The following CCR6 variants were observed in gnomAD, a reference collection of about 807,000 sequenced individuals.
The protein encoded by CCR6 is C-C chemokine receptor type 6.
In CCR6, 2 loss-of-function variants were observed where a neutral mutation model predicts 3.0. That is an observed-to-expected ratio of 0.66 (90% CI 0.27 to 2.07). The LOEUF (loss-of-function observed/expected upper bound fraction) is 2.07. CCR6 is among the 30% of genes most tolerant of loss of function. CCR6 has a pLI of 0.14. For synonymous variants in CCR6, 193 were observed against 184.3 expected (o/e 1.05, Z -0.38); for missense variants, 322 against 462.8 (o/e 0.70, Z 2.79).
chr6:167,124,835 A>ATACACACACGTCCATATG (rs1781645648), intron 1 of CCR6, among the ~76,000 whole-genome samples: 1 of 151,630 alleles, frequency 6.6e-6, no homozygotes, highest in African/African-American at 2.4e-5. Flanking sequence ...GCATATATAC[A>ATACACACACGTCCATATG]TACACACACG....
intron 1 of CCR6, among the ~76,000 whole-genome samples, chr6:167,113,451 A>G (rs1781444766): frequency 6.6e-6 from 1 of 152,196 alleles, no homozygotes; most frequent in Non-Finnish European, 1.5e-5. Context: ...CAGAGAGGGC[A>G]ACTCAGTAGA....
At chr6:167,134,299 C>T (rs756270976) in intron 1 of CCR6, among the ~76,000 whole-genome samples, 4 of 152,124 alleles carry the variant, frequency 2.6e-5, no homozygotes, top group Non-Finnish European at 4.4e-5. Context: ...ACGATTACCT[C>T]GTCACATGCT....
chr6:167,126,281 A>G (rs563491631), intron 1 of CCR6: 1 of 152,386 alleles, frequency 6.6e-6, no homozygotes, highest in East Asian at 1.9e-4. Flanking sequence ...GCCTCTAAGT[A>G]AGGGAAGAAA....
In CCR6 at chr6:167,133,932, GTATATATATA is replaced by G. The variant is rs6149918; in HGVS notation, c.-97-2077_-97-2068del. ...ATACTATTATATATGATATATGTGT[GTATATATATA>G]TATATATATATATATATATATATAT... On this transcript the variant is annotated intron_variant, in intron 1 of 2. Transcript: ENST00000341935. Among the ~76,000 whole-genome samples the G allele has an allele frequency of 3.8e-3, 422 of 110,392 alleles. 16 individuals are homozygous for G. The highest frequency in any genetic ancestry group is 0.021 in the Middle Eastern group (4 of 194). The allele number at this position is 110,392 out of a possible 152,430, so 72.4% of individuals were successfully genotyped here.
intron 1 of CCR6, among the ~76,000 whole-genome samples, chr6:167,129,227 T>C (rs768422957): frequency 2.0e-5 from 3 of 152,206 alleles, no homozygotes; most frequent in Non-Finnish European, 2.9e-5. Flanking sequence ...GTTCCTCTTC[T>C]TGATTGCTTA....
At chr6:167,118,515 G>A (rs143524598), upstream of CCR6, among the ~76,000 whole-genome samples, 60 of 152,226 alleles carry the variant, frequency 3.9e-4, no homozygotes, top group East Asian at 7.1e-3. Flanking sequence ...AAATAAATTA[G>A]TAAATAAAAA....
Position 167,137,641 on chromosome 6 carries a change from T to C in CCR6, c.*286T>C. 3.6e-6 allele frequency: 1 copy of C among 277,990 alleles called. No homozygotes were observed. Among genetic ancestry groups the C allele is most frequent in the Non-Finnish European group, 6.8e-6 (1 of 147,550 alleles). 17.2% of individuals were successfully genotyped at this position (277,990 alleles called of 1,614,324 possible). ...GCCTTTGGGAAATGCTGAATTAAAGTGAATTGTTGACAAATGTAAACATTT... is the reference window on the plus strand; with the variant it reads ...GCCTTTGGGAAATGCTGAATTAAAGCGAATTGTTGACAAATGTAAACATTT... On this transcript the variant is annotated 3_prime_UTR_variant, in exon 3 of 3. Coordinates refer to ENST00000341935, the MANE Select transcript of CCR6 (RefSeq NM_031409.4). The surrounding 1 kb of genome is among the most constrained non-coding windows in gnomAD (Gnocchi z 4.6).
intron 1 of CCR6, among the ~76,000 whole-genome samples, chr6:167,124,265 G>GAA (rs1554281749): frequency 0.019 from 2,565 of 135,602 alleles, 94 homozygotes; most frequent in African/African-American, 0.065. Flanking sequence ...TAAAGGAACT[G>GAA]AAAAAAAAAA....
chr6:167,129,216 G>A (rs145053636), intron 1 of CCR6, among the ~76,000 whole-genome samples: 1 of 152,162 alleles, frequency 6.6e-6, no homozygotes, highest in Non-Finnish European at 1.5e-5. Context: ...CCTGGATCAT[G>A]GTTCCTCTTC....
chr6:167,124,066 C>T (rs1382978797), intron 1 of CCR6, among the ~76,000 whole-genome samples: 2 of 152,152 alleles, frequency 1.3e-5, no homozygotes, highest in East Asian at 3.8e-4. Flanking sequence ...GAGCCGAGAT[C>T]ACGCTACTGC....
At chr6:167,131,290 G>A (rs1346225093) in intron 1 of CCR6, 1 of 152,256 alleles carries the variant, frequency 6.6e-6, no homozygotes, top group East Asian at 1.9e-4. Flanking sequence ...GTTGAACTGA[G>A]TTCAACTTAA....
At chr6:167,130,997 CCTTTGGGACCCCTCCTTCT>C (rs1781753023) in intron 1 of CCR6, among the ~76,000 whole-genome samples, 3 of 140,246 alleles carry the variant, frequency 2.1e-5, no homozygotes, top group Non-Finnish European at 4.7e-5. Flanking sequence ...GGACCCCCTC[CCTTTGGGACCCCTCCTTCT>C]GGGACCCCCA....
chr6:167,133,466 G>T (rs1283508068), intron 1 of CCR6, among the ~76,000 whole-genome samples: 1 of 152,150 alleles, frequency 6.6e-6, no homozygotes, highest in Non-Finnish European at 1.5e-5. Context: ...TTATGTAACT[G>T]TCCTTTCAGA....
intron 1 of CCR6, among the ~76,000 whole-genome samples, chr6:167,112,460 T>C (rs1484967781): frequency 1.3e-5 from 2 of 152,096 alleles, no homozygotes; most frequent in Non-Finnish European, 2.9e-5. Context: ...TATGGGGACA[T>C]TGGAAACGCT....
intron 1 of CCR6, among the ~76,000 whole-genome samples, chr6:167,134,550 T>C (rs966871205): frequency 6.6e-6 from 1 of 152,230 alleles, no homozygotes; most frequent in Non-Finnish European, 1.5e-5. Context: ...GAAATAGGTT[T>C]GGAAAATAAT....
At chr6:167,124,610 C>T (rs572078477) in intron 1 of CCR6, among the ~76,000 whole-genome samples, 6 of 152,088 alleles carry the variant, frequency 3.9e-5, no homozygotes, top group African/African-American at 9.7e-5. Context: ...TGAATTAGAA[C>T]GGCGAGTAAG....
At chr6:167,124,801 A>G (rs41343146) in intron 1 of CCR6, among the ~76,000 whole-genome samples, 6 of 133,732 alleles carry the variant, frequency 4.5e-5, no homozygotes, top group African/African-American at 2.2e-4. Flanking sequence ...ATATGCGCGC[A>G]CACACACACA....
intron 1 of CCR6, among the ~76,000 whole-genome samples, chr6:167,130,319 A>C (rs1781734011): frequency 6.6e-6 from 1 of 151,880 alleles, no homozygotes; most frequent in Non-Finnish European, 1.5e-5. Flanking sequence ...CGTAGATAAC[A>C]GGGTGTCTTA....
chr6:167,136,917 CATG>C lies in CCR6; in HGVS notation c.690_692del (p.Met230del), dbSNP rs1211745508. 3 of 1,614,190 alleles carry C rather than the reference CATG, an allele frequency of 1.9e-6. No individual in the cohort carries two copies. The highest frequency in any genetic ancestry group is 2.5e-6 in the Non-Finnish European group (3 of 1,180,036). On this transcript the variant is annotated inframe_deletion, in exon 3 of 3. Coordinates refer to ENST00000341935, the MANE Select transcript of CCR6 (RefSeq NM_031409.4). The surrounding 1 kb of genome is among the most constrained non-coding windows in gnomAD (Gnocchi z 4.6). ...TTGGTTTCTTTATCCCTTTGATGTT[CATG>C]ATATTTTGTTACACGTTCATTGTCA...
Sources: allele counts gnomAD v4.1 joint callset (sites outside exome capture counted in the v4.1 genomes callset), GRCh38; gene constraint gnomAD v4.1.1; non-coding constraint Gnocchi (gnomAD v3.1); transcripts MANE v1.5; gene names NCBI Gene and HGNC (gene_info 2026-07-23, HGNC 2026-07-21).